The following CAMK1D variants were observed in gnomAD, a reference collection of about 807,000 sequenced individuals.
CAMK1D encodes the protein calcium/calmodulin-dependent protein kinase type 1D.
A neutral mutation model predicts 47.7 loss-of-function variants in CAMK1D; 9 were observed. The ratio of observed to expected loss-of-function variants is 0.19; its 90% CI spans 0.11 to 0.33. CAMK1D has a LOEUF of 0.33. Among genes scored for constraint, CAMK1D ranks in the 10% least tolerant of loss-of-function variants. CAMK1D has a pLI of 1.00. For synonymous variants in CAMK1D, 184 were observed against 184.9 expected (o/e 0.99, Z 0.04); for missense variants, 291 against 488.7 (o/e 0.60, Z 3.81).
chr10:12,585,785 G>T (rs938270165), intron 2 of CAMK1D, among the ~76,000 whole-genome samples: 1 of 152,190 alleles, frequency 6.6e-6, no homozygotes, highest in Non-Finnish European at 1.5e-5. Context: ...ATGAGATTTG[G>T]GTGGGGACAC....
intron 1 of CAMK1D, among the ~76,000 whole-genome samples, chr10:12,522,799 CAG>C (rs1328893113): frequency 6.9e-6 from 1 of 145,300 alleles, no homozygotes; most frequent in African/African-American, 2.5e-5. Flanking sequence ...CACCACCTCC[CAG>C]ACGGGGCGGC....
intron 1 of CAMK1D, among the ~76,000 whole-genome samples, chr10:12,499,706 A>G (rs1166996975): frequency 6.6e-6 from 1 of 152,186 alleles, no homozygotes; most frequent in Admixed American, 6.5e-5. Context: ...GAACAAGGTC[A>G]TTGGTTGGTT....
At chr10:12,828,235 A>G (rs933920989) in intron 10 of CAMK1D, among the ~76,000 whole-genome samples, 11 of 152,218 alleles carry the variant, frequency 7.2e-5, no homozygotes, top group African/African-American at 2.7e-4. Context: ...AACACAAAGC[A>G]GTTAAAATTA....
intron 1 of CAMK1D, among the ~76,000 whole-genome samples, chr10:12,496,957 T>G (rs1448410777): frequency 6.6e-6 from 1 of 152,162 alleles, no homozygotes; most frequent in East Asian, 1.9e-4. Context: ...TTCGCATAGT[T>G]CAGCTCCCAC....
chr10:12,827,295 CTT>C (rs1564593637), intron 10 of CAMK1D, among the ~76,000 whole-genome samples: 9 of 68,202 alleles, frequency 1.3e-4, no homozygotes, highest in Admixed American at 1.7e-4. Context: ...TTCTTTCTTT[CTT>C]TCTCTCTCTT....
intron 2 of CAMK1D, among the ~76,000 whole-genome samples, chr10:12,561,059 G>A (rs1406130662): frequency 6.6e-6 from 1 of 151,870 alleles, no homozygotes; most frequent in African/African-American, 2.4e-5. Context: ...GACTACAGGC[G>A]CCTGCCACCA....
intron 6 of CAMK1D, among the ~76,000 whole-genome samples, chr10:12,793,384 G>A (rs2493767): frequency 0.42 from 64,469 of 151,938 alleles, 14,047 homozygotes; most frequent in East Asian, 0.55. Flanking sequence ...TTGGGGTGGG[G>A]CATTGGTACA....
chr10:12,656,915 G>T (rs1840133829), intron 2 of CAMK1D, among the ~76,000 whole-genome samples: 1 of 152,070 alleles, frequency 6.6e-6, no homozygotes. Flanking sequence ...GACATATTTT[G>T]ATGTTCATTT....
chr10:12,711,864 T>TA (rs971500715), intron 3 of CAMK1D, among the ~76,000 whole-genome samples: 1 of 152,176 alleles, frequency 6.6e-6, no homozygotes, highest in African/African-American at 2.4e-5. Flanking sequence ...CCATGAAAAA[T>TA]AACTTGGTCC....
intron 1 of CAMK1D, among the ~76,000 whole-genome samples, chr10:12,442,071 C>A (rs928689425): frequency 3.9e-5 from 6 of 152,158 alleles, no homozygotes; most frequent in African/African-American, 1.4e-4. Flanking sequence ...GTATAAAATG[C>A]AGCAGTAATA....
chr10:12,416,361 G>C (rs1839850997), intron 1 of CAMK1D, among the ~76,000 whole-genome samples: 1 of 152,198 alleles, frequency 6.6e-6, no homozygotes, highest in Admixed American at 6.5e-5. Context: ...AGACAGATCA[G>C]CATTTTGTCG....
intron 3 of CAMK1D, among the ~76,000 whole-genome samples, chr10:12,691,376 TAAATATATATATATATATATATATATAA>T (rs1564495387): frequency 0.032 from 366 of 11,530 alleles, 6 homozygotes; most frequent in East Asian, 0.075. Flanking sequence ...TATATATATA[TAAATATATATATATATATATATATATAA>T]ATATATATAT....
At chr10:12,485,829 C>T (rs926524490) in intron 1 of CAMK1D, among the ~76,000 whole-genome samples, 1 of 152,170 alleles carries the variant, frequency 6.6e-6, no homozygotes, top group Non-Finnish European at 1.5e-5. Context: ...GGCTTAAGAC[C>T]TGATAGCCCT....
chr10:12,648,326 C>T (rs186155515), intron 2 of CAMK1D, among the ~76,000 whole-genome samples: 1 of 152,124 alleles, frequency 6.6e-6, no homozygotes, highest in Non-Finnish European at 1.5e-5. Flanking sequence ...CCAGGTTCCC[C>T]CTGCCTAGCG....
intron 2 of CAMK1D, among the ~76,000 whole-genome samples, chr10:12,554,716 T>A (rs1264953496): frequency 1.6e-5 from 2 of 125,042 alleles, no homozygotes; most frequent in South Asian, 2.9e-4. Context: ...AAAAAAAAAT[T>A]TTTTTTTTAA....
At chr10:12,503,685 G>A (rs2132146343) in intron 1 of CAMK1D, among the ~76,000 whole-genome samples, 1 of 152,278 alleles carries the variant, frequency 6.6e-6, no homozygotes, top group South Asian at 2.1e-4. Context: ...TGGCTTGGGG[G>A]TTTTTCTTTT....
intron 1 of CAMK1D, among the ~76,000 whole-genome samples, chr10:12,398,429 A>G (rs947835043): frequency 2.6e-5 from 4 of 152,254 alleles, no homozygotes; most frequent in Non-Finnish European, 4.4e-5. Context: ...GCTCACTGCA[A>G]CCGCTGCCTC....
intron 1 of CAMK1D, among the ~76,000 whole-genome samples, chr10:12,524,791 T>C (rs1306721067): frequency 1.3e-5 from 2 of 152,258 alleles, no homozygotes; most frequent in Non-Finnish European, 2.9e-5. Context: ...ATTTGTCATA[T>C]TTATCCAGAT....
At chr10:12,760,304 G>A (rs1234419628) in intron 3 of CAMK1D, among the ~76,000 whole-genome samples, 3 of 152,182 alleles carry the variant, frequency 2.0e-5, no homozygotes, top group Non-Finnish European at 4.4e-5. Flanking sequence ...TAAAACCAAA[G>A]CAAAGTAATG....
Sources: allele counts gnomAD v4.1 joint callset (sites outside exome capture counted in the v4.1 genomes callset), GRCh38; gene constraint gnomAD v4.1.1; transcripts MANE v1.5; gene names NCBI Gene and HGNC (gene_info 2026-07-23, HGNC 2026-07-21).